The following IMMP2L variants were observed in gnomAD, a reference collection of about 807,000 sequenced individuals.
IMMP2L encodes inner mitochondrial membrane peptidase subunit 2, also known as mitochondrial inner membrane protease subunit 2.
Under a neutral mutation model 19.3 loss-of-function variants are expected in IMMP2L, and 18 were observed. The observed-to-expected ratio is 0.93, with a 90% CI of 0.64 to 1.38. The LOEUF (loss-of-function observed/expected upper bound fraction) is 1.38. IMMP2L is among the 40% of genes most tolerant of loss of function. The pLI is 0.00. For synonymous variants in IMMP2L, 76 were observed against 73.0 expected (o/e 1.04, Z -0.21); for missense variants, 233 against 218.2 (o/e 1.07, Z -0.43).
chr7:110,871,241 G>C (rs756552261), intron 5 of IMMP2L, among the ~76,000 whole-genome samples: 2 of 152,106 alleles, frequency 1.3e-5, no homozygotes, highest in African/African-American at 4.8e-5. Context: ...AATTCAAGAT[G>C]TTTCTTGAAC....
chr7:111,384,125 C>A (rs1831476846), intron 3 of IMMP2L, among the ~76,000 whole-genome samples: 1 of 151,246 alleles, frequency 6.6e-6, no homozygotes, highest in African/African-American at 2.4e-5. Flanking sequence ...GCCCGCGTGG[C>A]AGAGTGAGAG....
At chr7:111,328,761 T>G (rs752954611) in intron 3 of IMMP2L, among the ~76,000 whole-genome samples, 1 of 151,804 alleles carries the variant, frequency 6.6e-6, no homozygotes, top group Non-Finnish European at 1.5e-5. Context: ...GAGTAATTGC[T>G]GCAGCAAATT....
intron 4 of IMMP2L, among the ~76,000 whole-genome samples, chr7:110,907,117 G>GT (rs1473283844): frequency 6.6e-6 from 1 of 152,118 alleles, no homozygotes. Flanking sequence ...GTTACGTATA[G>GT]TAACACTTTA....
At chr7:111,325,574 GT>G (rs1277840862) in intron 3 of IMMP2L, among the ~76,000 whole-genome samples, 4 of 151,424 alleles carry the variant, frequency 2.6e-5, no homozygotes, top group African/African-American at 9.7e-5. Flanking sequence ...TGGAGTTTAG[GT>G]TTTTTTAGTG....
intron 3 of IMMP2L, among the ~76,000 whole-genome samples, chr7:111,335,837 C>A (rs541800499): frequency 1.3e-5 from 2 of 152,048 alleles, no homozygotes; most frequent in South Asian, 2.1e-4. Flanking sequence ...GTATATATTT[C>A]TACATGTATG....
intron 3 of IMMP2L, among the ~76,000 whole-genome samples, chr7:111,287,707 G>A (rs1032192197): frequency 1.3e-5 from 2 of 151,968 alleles, no homozygotes; most frequent in Admixed American, 6.6e-5. Flanking sequence ...GAGTTGGAGG[G>A]AATTGATGAT....
At chr7:111,408,158 A>G (rs1294704031) in intron 3 of IMMP2L, among the ~76,000 whole-genome samples, 1 of 149,444 alleles carries the variant, frequency 6.7e-6, no homozygotes, top group Non-Finnish European at 1.5e-5. Flanking sequence ...GTAGAAGATA[A>G]TACCATATGT....
At chr7:110,820,169 C>T (rs1014573313) in intron 5 of IMMP2L, among the ~76,000 whole-genome samples, 15 of 151,996 alleles carry the variant, frequency 9.9e-5, no homozygotes, top group South Asian at 2.1e-4. Context: ...GGGTACAATA[C>T]AAAATCCATC....
At chr7:111,116,301 T>C (rs796268810) in intron 3 of IMMP2L, among the ~76,000 whole-genome samples, 31 of 152,194 alleles carry the variant, frequency 2.0e-4, no homozygotes, top group African/African-American at 7.5e-4. Context: ...TAAAATAAAA[T>C]TGCCCCTCCT....
intron 3 of IMMP2L, among the ~76,000 whole-genome samples, chr7:111,256,593 A>C (rs1260998189): frequency 2.0e-5 from 3 of 152,024 alleles, no homozygotes; most frequent in Non-Finnish European, 4.4e-5. Context: ...TCTCATTCTC[A>C]CCACAGATTT....
intron 3 of IMMP2L, among the ~76,000 whole-genome samples, chr7:111,242,756 T>C (rs533131168): frequency 6.6e-6 from 1 of 152,052 alleles, no homozygotes; most frequent in East Asian, 1.9e-4. Context: ...TAGATCATGA[T>C]AATGATTAAA....
chr7:111,128,243 T>G (rs571061832), intron 3 of IMMP2L, among the ~76,000 whole-genome samples: 1 of 152,258 alleles, frequency 6.6e-6, no homozygotes, highest in African/African-American at 2.4e-5. Flanking sequence ...TAGGACAAAT[T>G]TTCGACCATC....
At chr7:110,966,194 C>T (rs1477143720) in intron 3 of IMMP2L, among the ~76,000 whole-genome samples, 1 of 152,002 alleles carries the variant, frequency 6.6e-6, no homozygotes, top group Non-Finnish European at 1.5e-5. Context: ...CATGACTTCA[C>T]ATCTGTAATA....
At chr7:111,047,639 G>C (rs1792535633) in intron 3 of IMMP2L, among the ~76,000 whole-genome samples, 1 of 152,024 alleles carries the variant, frequency 6.6e-6, no homozygotes, top group South Asian at 2.1e-4. Context: ...TCATCTAACT[G>C]TATGCTAATA....
rs1377136030 is a variant in IMMP2L, at chr7:111,311,114, A to C, written c.239+176124T>G. Among the ~76,000 whole-genome samples the C allele has an allele frequency of 2.0e-5, 3 of 152,130 alleles. No homozygotes were observed. The East Asian group carries it at 5.8e-4, about 29-fold the overall frequency. ...CTTTCCACTTGTCCCCTTCTACCACAATATCCTTCATTCCATGGTTCAGAA... is the reference window on the plus strand; with the variant it reads ...CTTTCCACTTGTCCCCTTCTACCACCATATCCTTCATTCCATGGTTCAGAA... On this transcript the variant is annotated intron_variant, in intron 3 of 5. Transcript: ENST00000405709.
intron 3 of IMMP2L, among the ~76,000 whole-genome samples, chr7:111,190,046 T>G (rs1242679093): frequency 6.6e-6 from 1 of 152,152 alleles, no homozygotes; most frequent in Non-Finnish European, 1.5e-5. Flanking sequence ...GTTGACAGTA[T>G]ATAAAAATAA....
intron 3 of IMMP2L, among the ~76,000 whole-genome samples, chr7:111,287,909 T>A (rs1421192095): frequency 6.6e-6 from 1 of 152,182 alleles, no homozygotes; most frequent in Non-Finnish European, 1.5e-5. Context: ...CATTTAATCT[T>A]GCTTCATAAA....
At chr7:110,806,470 C>G (rs938990447) in intron 5 of IMMP2L, among the ~76,000 whole-genome samples, 4 of 151,902 alleles carry the variant, frequency 2.6e-5, no homozygotes, top group African/African-American at 9.7e-5. Context: ...GAGGAATTAT[C>G]CATAGTTTCA....
intron 4 of IMMP2L, among the ~76,000 whole-genome samples, chr7:110,943,095 T>A (rs1308801867): frequency 6.6e-6 from 1 of 152,002 alleles, no homozygotes; most frequent in Non-Finnish European, 1.5e-5. Flanking sequence ...TAGTTCAGGA[T>A]CACTAGCTAA....
Sources: allele counts gnomAD v4.1 joint callset (sites outside exome capture counted in the v4.1 genomes callset), GRCh38; gene constraint gnomAD v4.1.1; transcripts MANE v1.5; gene names NCBI Gene and HGNC (gene_info 2026-07-23, HGNC 2026-07-21).